TENM4: variants seen among roughly 807,000 people sequenced by gnomAD.
The protein encoded by TENM4 is teneurin transmembrane protein 4, also known as teneurin-4.
TENM4 carries 82 observed loss-of-function variants against 243.3 expected under a neutral mutation model. The ratio of observed to expected loss-of-function variants is 0.34; its 90% CI spans 0.28 to 0.40. The LOEUF is 0.40. Ranked by LOEUF, TENM4 falls within the 10% of genes least tolerant of loss-of-function variation. The probability of loss-of-function intolerance (pLI) is 1.00; values close to 1 mark genes in which losing one functional copy is unlikely to be tolerated. For synonymous variants in TENM4, 1,412 were observed against 1,456.3 expected, an observed-to-expected ratio of 0.97 and a Z score of 0.69; for missense variants, 3,138 against 3,673.3, an observed-to-expected ratio of 0.85 and a Z score of 3.77.
chr11:79,340,856 A>G (rs1256450550), intron 1 of TENM4, among the ~76,000 whole-genome samples: 1 of 152,112 alleles, frequency 6.6e-6, no homozygotes, highest in East Asian at 1.9e-4. Context: ...AAAAAAAAAT[A>G]CTTATGTCCT....
chr11:79,281,992 G>A (rs748983970), intron 2 of TENM4, among the ~76,000 whole-genome samples: 4 of 152,150 alleles, frequency 2.6e-5, no homozygotes, highest in Admixed American at 1.3e-4. Context: ...AGGCCCACTA[G>A]GCAGATTCCT....
chr11:79,320,007 C>T (rs559601037), intron 1 of TENM4, among the ~76,000 whole-genome samples: 1 of 152,204 alleles, frequency 6.6e-6, no homozygotes, highest in African/African-American at 2.4e-5. Flanking sequence ...GTGTTTCTCA[C>T]CTACCTTCTA....
intron 16 of TENM4, among the ~76,000 whole-genome samples, chr11:78,782,772 T>TAAAA (rs11433535): frequency 4.8e-5 from 7 of 146,790 alleles, no homozygotes; most frequent in African/African-American, 1.3e-4. Flanking sequence ...TCTTTTTTTT[T>TAAAA]AAAAAAAAAA....
At chr11:79,179,206 G>A (rs1863233551) in intron 3 of TENM4, among the ~76,000 whole-genome samples, 1 of 152,246 alleles carries the variant, frequency 6.6e-6, no homozygotes, top group South Asian at 2.1e-4. Flanking sequence ...GTTTGCAAGA[G>A]CTGCTGGCCT....
chr11:78,825,195 A>T (rs1377598526), intron 12 of TENM4, among the ~76,000 whole-genome samples: 2 of 152,214 alleles, frequency 1.3e-5, no homozygotes, highest in Non-Finnish European at 2.9e-5. Context: ...CTAGGTCTGA[A>T]TTCCAACCGT....
chr11:78,687,922 A>G, intron 29 of TENM4, 132 bp downstream of exon 29: 2 of 1,070,668 alleles, frequency 1.9e-6, no homozygotes, highest in Non-Finnish European at 2.7e-6. Flanking sequence ...AAATTAGGTG[A>G]TAATACAGAG....
chr11:79,350,265 C>T (rs544563741), intron 1 of TENM4, among the ~76,000 whole-genome samples: 3 of 152,172 alleles, frequency 2.0e-5, no homozygotes, highest in Non-Finnish European at 4.4e-5. Context: ...CACGAATTAG[C>T]TGCCAACTCC....
chr11:79,416,068 A>T (rs1399170215), intron 1 of TENM4, among the ~76,000 whole-genome samples: 1 of 152,202 alleles, frequency 6.6e-6, no homozygotes, highest in African/African-American at 2.4e-5. Flanking sequence ...CTAATCAAGA[A>T]TTTATTCCTT....
intron 6 of TENM4, among the ~76,000 whole-genome samples, chr11:79,061,728 T>G (rs1591251337): frequency 6.6e-6 from 1 of 152,302 alleles, no homozygotes; most frequent in South Asian, 2.1e-4. Flanking sequence ...CAGAGGGAAC[T>G]CACTGTAACT....
intron 6 of TENM4, among the ~76,000 whole-genome samples, chr11:78,947,815 C>T (rs117266018): frequency 0.014 from 2,199 of 152,282 alleles, 28 homozygotes; most frequent in Admixed American, 0.032. Context: ...TTACTGGATC[C>T]GGTGCCTTGC....
chr11:79,079,224 G>A (rs7117604), intron 4 of TENM4, among the ~76,000 whole-genome samples: 4 of 152,184 alleles, frequency 2.6e-5, no homozygotes, highest in South Asian at 2.1e-4. Flanking sequence ...AGATGGTGCC[G>A]CTGTCTACAG....
intron 13 of TENM4, 105 bp downstream of exon 13, chr11:78,814,189 G>T: frequency 9.4e-7 from 1 of 1,063,250 alleles, no homozygotes; most frequent in Admixed American, 2.6e-5. Context: ...CTTCTCGTGG[G>T]CATCAGAAGG....
chr11:79,310,332 T>A (rs1856698275), intron 1 of TENM4, among the ~76,000 whole-genome samples: 1 of 152,172 alleles, frequency 6.6e-6, no homozygotes. Context: ...AAGTCTAAGA[T>A]AATAAGACTT....
intron 9 of TENM4, among the ~76,000 whole-genome samples, chr11:78,884,567 C>T (rs1855509161): frequency 6.6e-6 from 1 of 152,186 alleles, no homozygotes; most frequent in South Asian, 2.1e-4. Context: ...AGGCAAGTTG[C>T]AAACTTCTCT....
At chr11:79,332,030 T>C (rs192713196) in intron 1 of TENM4, among the ~76,000 whole-genome samples, 60 of 152,360 alleles carry the variant, frequency 3.9e-4, no homozygotes, top group Admixed American at 3.4e-3. Flanking sequence ...TAATAATAGA[T>C]GCTGTTCACC....
intron 20 of TENM4, among the ~76,000 whole-genome samples, chr11:78,735,996 T>C (rs894164063): frequency 6.6e-6 from 1 of 151,718 alleles, no homozygotes; most frequent in African/African-American, 2.4e-5. Context: ...CAGGCTGGAG[T>C]GCAGGAGTAC....
intron 1 of TENM4, among the ~76,000 whole-genome samples, chr11:79,301,208 T>C (rs565392168): frequency 6.6e-6 from 1 of 152,350 alleles, no homozygotes; most frequent in South Asian, 2.1e-4. Flanking sequence ...TTTCCTATTC[T>C]ACTAAAGATA....
At chr11:78,776,724 T>G (rs186564396) in intron 17 of TENM4, among the ~76,000 whole-genome samples, 54 of 152,338 alleles carry the variant, frequency 3.5e-4, no homozygotes, top group African/African-American at 1.3e-3. Flanking sequence ...CAAGTTATGA[T>G]TCATTGACCT....
At chr11:78,813,827 G>A (rs1313785925) in intron 13 of TENM4, among the ~76,000 whole-genome samples, 1 of 152,196 alleles carries the variant, frequency 6.6e-6, no homozygotes, top group Non-Finnish European at 1.5e-5. Context: ...CCCTCCCCTT[G>A]GGGTCTTGGC....
Sources: allele counts gnomAD v4.1 joint callset (sites outside exome capture counted in the v4.1 genomes callset), GRCh38; gene constraint gnomAD v4.1.1; transcripts MANE v1.5; gene names NCBI Gene and HGNC (gene_info 2026-07-23, HGNC 2026-07-21).